Variants in MEI4 observed in about 807,000 individuals in gnomAD.
MEI4 encodes the protein meiosis-specific protein MEI4.
MEI4 carries 27 observed loss-of-function variants against 31.4 expected under a neutral mutation model. That is an observed-to-expected ratio of 0.86 (90% CI 0.63 to 1.19). MEI4 has a LOEUF of 1.19. MEI4 is among the 50% of genes most tolerant of loss of function. MEI4 has a pLI of 0.00. For synonymous variants in MEI4, 122 were observed against 145.4 expected (o/e 0.84, Z 1.16); for missense variants, 329 against 398.9 (o/e 0.82, Z 1.49).
intron 4 of MEI4, among the ~76,000 whole-genome samples, chr6:77,885,676 T>C (rs904156591): frequency 1.3e-5 from 2 of 152,204 alleles, no homozygotes; most frequent in African/African-American, 4.8e-5. Flanking sequence ...CCTTGTCTGA[T>C]TGCTCTGTCT....
At chr6:77,827,060 G>C (rs749193649) in intron 3 of MEI4, among the ~76,000 whole-genome samples, 2 of 152,024 alleles carry the variant, frequency 1.3e-5, no homozygotes, top group Non-Finnish European at 2.9e-5. Flanking sequence ...CTTCTATTGT[G>C]ATTAAAAGAA....
At chr6:77,917,024 G>C (rs952081664) in intron 4 of MEI4, among the ~76,000 whole-genome samples, 1 of 148,898 alleles carries the variant, frequency 6.7e-6, no homozygotes, top group South Asian at 2.1e-4. Context: ...TGCGGTGTTT[G>C]GTTTTTTGTT....
chr6:77,884,811 TG>T (rs376876549), intron 4 of MEI4, among the ~76,000 whole-genome samples: 47 of 152,312 alleles, frequency 3.1e-4, no homozygotes, highest in African/African-American at 1.1e-3. Flanking sequence ...TTGTACTTTT[TG>T]CTAAGGATTG....
chr6:77,787,895 T>A (rs1204761227), intron 3 of MEI4, among the ~76,000 whole-genome samples: 3 of 152,136 alleles, frequency 2.0e-5, no homozygotes, highest in Non-Finnish European at 2.9e-5. Context: ...TGATGTGCTG[T>A]TGGATTTGGT....
At chr6:77,890,088 C>T (rs1263792740) in intron 4 of MEI4, among the ~76,000 whole-genome samples, 1 of 152,142 alleles carries the variant, frequency 6.6e-6, no homozygotes, top group Non-Finnish European at 1.5e-5. Context: ...GGTTGCAGTC[C>T]CCATATACAG....
At chr6:77,698,502 G>C (rs1407081371) in intron 2 of MEI4, among the ~76,000 whole-genome samples, 1 of 152,112 alleles carries the variant, frequency 6.6e-6, no homozygotes, top group African/African-American at 2.4e-5. Context: ...GTCTGTAAAG[G>C]ATTTTATTTC....
At chr6:77,835,088 A>G (rs1770181861) in intron 4 of MEI4, among the ~76,000 whole-genome samples, 1 of 150,278 alleles carries the variant, frequency 6.7e-6, no homozygotes, top group East Asian at 1.9e-4. Flanking sequence ...TGATATAATT[A>G]TAATTCTATA....
intron 4 of MEI4, among the ~76,000 whole-genome samples, chr6:77,897,788 C>A (rs1209478471): frequency 6.6e-6 from 1 of 151,828 alleles, no homozygotes; most frequent in Non-Finnish European, 1.5e-5. Flanking sequence ...GCACTTGGAT[C>A]AAAAGATGAT....
chr6:77,665,729 G>A (rs1056237637), intron 1 of MEI4, among the ~76,000 whole-genome samples: 9 of 152,164 alleles, frequency 5.9e-5, no homozygotes, highest in African/African-American at 2.2e-4. Context: ...TGTCTCCTTT[G>A]TCTCGCCCGG....
intron 3 of MEI4, among the ~76,000 whole-genome samples, chr6:77,762,406 C>T (rs1249188781): frequency 6.6e-6 from 1 of 152,072 alleles, no homozygotes; most frequent in Non-Finnish European, 1.5e-5. Flanking sequence ...CATATTATTT[C>T]TGCCTTCTTT....
In MEI4 at chr6:77,735,265, G is replaced by T. The variant is rs892627752; in HGVS notation, c.233-25865G>T. Among the ~76,000 whole-genome samples the T allele has an allele frequency of 1.1e-4, 17 of 151,924 alleles. 1 individual carries two copies. The highest frequency in any genetic ancestry group is 3.9e-4 in the African/African-American group (16 of 41,332). On this transcript the variant is annotated intron_variant, in intron 2 of 4. Coordinates refer to ENST00000684080, the MANE Select transcript of MEI4 (RefSeq NM_001322247.2). Reference sequence around the variant, plus strand: ...GCTCCATTCTCCCCGTCACTTTCAGGTACACCAATCAGACGTAGATTTGGT... The same window carrying T: ...GCTCCATTCTCCCCGTCACTTTCAGTTACACCAATCAGACGTAGATTTGGT...
At chr6:77,886,501 G>A (rs1231500984) in intron 4 of MEI4, among the ~76,000 whole-genome samples, 1 of 151,914 alleles carries the variant, frequency 6.6e-6, no homozygotes, top group Admixed American at 6.6e-5. Flanking sequence ...TGCAAGCTCA[G>A]CTTACTGCAA....
At chr6:77,804,930 T>C (rs1769387787) in intron 3 of MEI4, among the ~76,000 whole-genome samples, 1 of 150,148 alleles carries the variant, frequency 6.7e-6, no homozygotes, top group East Asian at 1.9e-4. Context: ...AAATATATTT[T>C]ATGGGGCATT....
rs146424156 is a variant in MEI4, at chr6:77,827,235, C to T, written c.769-1696C>T. On this transcript the variant is annotated intron_variant, in intron 3 of 4. Transcript: ENST00000684080. ...ATTAGCTGGGTGTGGTGGCGGGTGC[C>T]TGTAGTCCCAGCTACATTGGGAGGC... is the stretch of plus-strand genomic sequence containing the variant. Among the ~76,000 whole-genome samples the T allele has an allele frequency of 1.6e-3, 250 of 151,806 alleles. 2 individuals are homozygous for T. The highest frequency in any genetic ancestry group is 5.7e-3 in the African/African-American group (234 of 41,406).
At chr6:77,892,501 A>G (rs3924953) in intron 4 of MEI4, among the ~76,000 whole-genome samples, 125,470 of 151,934 alleles carry the variant, frequency 0.83, 52,321 homozygotes, top group East Asian at 0.95. Context: ...GTACAGGCTT[A>G]TCCCAGAACC....
chr6:77,714,220 T>C (rs1381520203), intron 2 of MEI4, among the ~76,000 whole-genome samples: 1 of 143,908 alleles, frequency 6.9e-6, no homozygotes, highest in Non-Finnish European at 1.6e-5. Flanking sequence ...AGTTTACCTA[T>C]GTAACACTTA....
At chr6:77,875,080 A>T (rs1046323057) in intron 4 of MEI4, among the ~76,000 whole-genome samples, 4 of 151,862 alleles carry the variant, frequency 2.6e-5, no homozygotes, top group Admixed American at 6.6e-5. Flanking sequence ...TTCTACCTGG[A>T]TTGCTCTTCC....
Position 77,843,534 on chromosome 6 carries a change from T to TA in MEI4, c.900+14485dup, listed in dbSNP as rs35866687. Among the ~76,000 whole-genome samples the TA allele has an allele frequency of 3.0e-3, 427 of 144,232 alleles. 3 individuals carry two copies. The highest frequency in any genetic ancestry group is 6.2e-3 in the African/African-American group (240 of 38,860). The allele number at this position is 144,232 out of a possible 152,430, so 94.6% of individuals were successfully genotyped here. On this transcript the variant is annotated intron_variant, in intron 4 of 4. Transcript: ENST00000684080. ...GATGTCAAAATGTAGGCAGACAAAT[T>TA]AAAAAAAAAAAAACTATTACAGAAC... is the stretch of plus-strand genomic sequence containing the variant.
intron 3 of MEI4, among the ~76,000 whole-genome samples, chr6:77,817,555 A>C (rs1274209959): frequency 6.6e-6 from 1 of 152,156 alleles, no homozygotes; most frequent in Non-Finnish European, 1.5e-5. Context: ...ATGTGCCACA[A>C]AGTGATAATT....
Sources: gnomAD v4.1 joint callset for allele counts (sites outside exome capture counted in the v4.1 genomes callset) on GRCh38, gnomAD v4.1.1 for gene constraint, MANE v1.5 for transcripts, NCBI Gene and HGNC (gene_info 2026-07-23, HGNC 2026-07-21) for gene names.